The following UBAP2 variants were observed in gnomAD, a reference collection of about 807,000 sequenced individuals.
UBAP2 encodes ubiquitin associated protein 2.
In UBAP2, 75 loss-of-function variants were observed where a neutral mutation model predicts 139.6. The observed-to-expected ratio is 0.54, with a 90% CI of 0.45 to 0.65. The LOEUF is 0.65. Ranked by LOEUF, UBAP2 falls within the 30% of genes least tolerant of loss-of-function variation. The pLI, the probability that UBAP2 is intolerant of heterozygous loss-of-function variation, is 0.00. For synonymous variants in UBAP2, 526 were observed against 526.2 expected, an observed-to-expected ratio of 1.00 and a Z score of 0.01; for missense variants, 1,368 against 1,369.6, an observed-to-expected ratio of 1.00 and a Z score of 0.02.
chr9:34,008,016 T>C (rs1448826912), intron 2 of UBAP2, among the ~76,000 whole-genome samples: 3 of 151,944 alleles, frequency 2.0e-5, no homozygotes, highest in Non-Finnish European at 4.4e-5. Flanking sequence ...ACCAATTATT[T>C]TAAAAGAGGG....
rs11350848 is a variant in UBAP2, at chr9:34,015,494, ATT to A, written c.99+1554_99+1555del. Among the ~76,000 whole-genome samples the A allele has an allele frequency of 8.0e-3, 1,183 of 148,258 alleles. 8 individuals are homozygous for A. The highest frequency in any genetic ancestry group is 0.031 in the Middle Eastern group (9 of 286). On this transcript the variant is annotated intron_variant, in intron 2 of 28. Coordinates refer to ENST00000379238, the MANE Select transcript of UBAP2 (RefSeq NM_001370062.2). Reference sequence around the variant, plus strand: ...ACTACCATGCCTGGCTAATTTTCGTATTTTTTTTTTTTAGTAGAGACAGGGTT... The same window carrying A: ...ACTACCATGCCTGGCTAATTTTCGTATTTTTTTTTTAGTAGAGACAGGGTT...
intron 8 of UBAP2, chr9:33,968,456 G>A (rs307671): frequency 0.19 from 105,626 of 550,356 alleles, 11,399 homozygotes; most frequent in South Asian, 0.34. Flanking sequence ...CAGCCTGGTC[G>A]GCTTCTTCAG....
In UBAP2 at chr9:33,953,443, C is replaced by A. The variant is rs375705047; in HGVS notation, c.898G>T (p.Val300Phe). 1.9e-6 allele frequency: 3 copies of A among 1,614,096 alleles called. No homozygotes were observed. Among genetic ancestry groups the A allele is most frequent in the Non-Finnish European group, 1.7e-6 (2 of 1,179,992 alleles). Reference sequence around the variant, plus strand: ...GCTTCTGAGGCTTGACTGTGAGGAACAGGCTTCTGGAGCAAGGCTACCAGA... The same window carrying A: ...GCTTCTGAGGCTTGACTGTGAGGAAAAGGCTTCTGGAGCAAGGCTACCAGA... ...IDLVALLQKP[V>F]PHSQASEANS... is the part of the protein sequence containing the mutation. Residue 300 changes from valine to phenylalanine, a missense_variant, in exon 12 of 29, where the codon GTT becomes TTT. By Grantham distance (50) the Val-to-Phe change is conservative. Transcript: ENST00000379238.
chr9:33,968,884 T>A (rs1004876567), intron 8 of UBAP2, among the ~76,000 whole-genome samples: 1 of 152,228 alleles, frequency 6.6e-6, no homozygotes, highest in African/African-American at 2.4e-5. Flanking sequence ...AGCTAATTTC[T>A]GTCCCTATAA....
Position 34,011,641 on chromosome 9 carries a change from G to T in UBAP2, c.99+5409C>A, listed in dbSNP as rs1022502262. On this transcript the variant is annotated intron_variant, in intron 2 of 28. Coordinates refer to ENST00000379238, the MANE Select transcript of UBAP2 (RefSeq NM_001370062.2). ...AGGGAAGTTACCAGGCTGAGCTCTA[G>T]GAAGTGTCAAGAGGTCGGTACAGCT... 4.1e-6 allele frequency: 4 copies of T among 987,396 alleles called. No homozygotes were observed. In the South Asian group the frequency reaches 1.9e-4, roughly 46 times the overall value. The allele number at this position is 987,396 out of a possible 1,614,324, so 61.2% of individuals were successfully genotyped here. A position where few individuals can be genotyped will look rare whatever the true frequency, so the allele number is the denominator to read the frequency against.
At chr9:34,037,578 G>T (rs1354315407) in intron 1 of UBAP2, among the ~76,000 whole-genome samples, 1 of 152,172 alleles carries the variant, frequency 6.6e-6, no homozygotes, top group East Asian at 1.9e-4. Flanking sequence ...GCCCCAAAAA[G>T]TTACATTTTA....
chr9:33,938,535 G>A (rs1824796358), intron 16 of UBAP2, among the ~76,000 whole-genome samples: 1 of 152,094 alleles, frequency 6.6e-6, no homozygotes, highest in Non-Finnish European at 1.5e-5. Flanking sequence ...GGTGGCTCAC[G>A]CCTGTAATCC....
At position 34,015,397 on chromosome 9, in the gene UBAP2, C is replaced by G. The variant is rs139891703; in HGVS notation, c.99+1653G>C. ...GCAGTGGTGTGATCTTGGCTCACTG[C>G]AACCTCTGCCTCCCGGGTTCAAGCA... On this transcript the variant is annotated intron_variant, in intron 2 of 28. Transcript: ENST00000379238. Among the ~76,000 whole-genome samples the G allele has an allele frequency of 3.8e-3, 580 of 152,270 alleles. 7 individuals carry two copies. Among genetic ancestry groups the G allele is most frequent in the Admixed American group, 0.03 (457 of 15,276 alleles).
chr9:34,017,216 A>G, intron 1 of UBAP2, 27 bp from the exon 2 acceptor site: 1 of 1,081,430 alleles, frequency 9.2e-7, no homozygotes, highest in Non-Finnish European at 1.3e-6. Flanking sequence ...ATGGTAAGCA[A>G]AACAATCATA....
At chr9:33,923,075 GCTCCAGGCTCCCCAC>G in intron 26 of UBAP2, 42 bp from the exon 27 acceptor site, 1 of 1,613,672 alleles carries the variant, frequency 6.2e-7, no homozygotes, top group Non-Finnish European at 8.5e-7. Flanking sequence ...GTTGTTCCCA[GCTCCAGGCTCCCCAC>G]CTCCAGGATC....
chr9:33,971,055 G>C (rs1027813155), intron 8 of UBAP2, among the ~76,000 whole-genome samples: 4 of 152,014 alleles, frequency 2.6e-5, no homozygotes, highest in African/African-American at 9.7e-5. Context: ...CATCTGCCTC[G>C]GCCTCCCAAA....
chr9:33,957,174 T>A (rs1395551032), intron 10 of UBAP2, among the ~76,000 whole-genome samples: 1 of 152,206 alleles, frequency 6.6e-6, no homozygotes, highest in Admixed American at 6.5e-5. Flanking sequence ...ATGTCTTTAG[T>A]ACTTAATTGA....
At chr9:34,019,274 A>G (rs1222068761) in intron 1 of UBAP2, among the ~76,000 whole-genome samples, 1 of 152,054 alleles carries the variant, frequency 6.6e-6, no homozygotes, top group Admixed American at 6.6e-5. Flanking sequence ...ATGGTGGCAC[A>G]CACCTGTAAT....
At chr9:34,027,274 A>C (rs1294754112) in intron 1 of UBAP2, among the ~76,000 whole-genome samples, 1 of 151,586 alleles carries the variant, frequency 6.6e-6, no homozygotes, top group Non-Finnish European at 1.5e-5. Context: ...TGAGGTCAGG[A>C]GTTTGAGATG....
At chr9:34,016,264 GAGGAAGAGA>G (rs1341472665) in intron 2 of UBAP2, among the ~76,000 whole-genome samples, 7 of 31,402 alleles carry the variant, frequency 2.2e-4, no homozygotes, top group South Asian at 7.5e-4. Context: ...GGAGGAAGAG[GAGGAAGAGA>G]AGGAGGAAGA....
intron 1 of UBAP2, among the ~76,000 whole-genome samples, chr9:34,044,862 T>G (rs1392455948): frequency 6.6e-6 from 1 of 151,814 alleles, no homozygotes; most frequent in Non-Finnish European, 1.5e-5. Context: ...CGAGACTCCA[T>G]CTGTAAATAA....
In UBAP2 at chr9:33,996,409, A is replaced by C. The variant is rs527516030; in HGVS notation, c.178-76T>G. The C allele has an allele frequency of 3.0e-5, 28 of 933,542 alleles. No individual in the cohort carries two copies. In the East Asian group the frequency reaches 6.8e-4, roughly 23 times the overall value. The allele number at this position is 933,542 out of a possible 1,614,324, so 57.8% of individuals were successfully genotyped here. A position where few individuals can be genotyped will look rare whatever the true frequency, so the allele number is the denominator to read the frequency against. On this transcript the variant is annotated intron_variant, in intron 3 of 28. Coordinates refer to ENST00000379238, the MANE Select transcript of UBAP2 (RefSeq NM_001370062.2). ...GATATTAAGATTCTTCTATACAAAT[A>C]CAGAATTACATAATCCTTCTACATG...
intron 2 of UBAP2, among the ~76,000 whole-genome samples, chr9:34,005,304 G>A (rs1003597643): frequency 1.3e-5 from 2 of 150,124 alleles, no homozygotes; most frequent in Admixed American, 1.3e-4. Flanking sequence ...GCATGGTGGC[G>A]CATACCTGTA....
intron 19 of UBAP2, 67 bp downstream of exon 19, chr9:33,932,495 C>A: frequency 6.3e-7 from 1 of 1,579,096 alleles, no homozygotes; most frequent in Non-Finnish European, 8.7e-7. Flanking sequence ...GAAGCCCCAG[C>A]TGCATGTGAC....
Sources: gnomAD v4.1 joint callset for allele counts (sites outside exome capture counted in the v4.1 genomes callset) on GRCh38, gnomAD v4.1.1 for gene constraint, MANE v1.5 for transcripts, NCBI Gene and HGNC (gene_info 2026-07-23, HGNC 2026-07-21) for gene names.